Variants in CLOCK observed in about 807,000 individuals in gnomAD.
CLOCK encodes the protein clock circadian regulator.
In CLOCK, 43 loss-of-function variants were observed where a neutral mutation model predicts 118.4. That is an observed-to-expected ratio of 0.36 (90% confidence interval 0.28 to 0.47). The LOEUF (loss-of-function observed/expected upper bound fraction) is 0.47. CLOCK is among the 20% of genes least tolerant of loss of function. The pLI, the probability that CLOCK is intolerant of heterozygous loss-of-function variation, is 1.00. For missense variants in CLOCK, 846 were observed against 999.9 expected (o/e 0.85, Z 2.08); for synonymous variants, 326 against 339.2 (o/e 0.96, Z 0.43).
chr4:55,543,453 T>C (rs1047022274), intron 1 of CLOCK, among the ~76,000 whole-genome samples: 4 of 152,108 alleles, frequency 2.6e-5, no homozygotes, highest in African/African-American at 9.6e-5. Context: ...TATTTGCAAA[T>C]GCACAGAAAA....
intron 1 of CLOCK, among the ~76,000 whole-genome samples, chr4:55,538,673 G>C (rs1731061427): frequency 6.6e-6 from 1 of 152,268 alleles, no homozygotes; most frequent in East Asian, 1.9e-4. Context: ...CATCCAGCTA[G>C]ATTCAAAAAA....
intron 9 of CLOCK, among the ~76,000 whole-genome samples, chr4:55,463,470 AAAT>A (rs1560434219): frequency 6.6e-6 from 1 of 152,148 alleles, no homozygotes; most frequent in Non-Finnish European, 1.5e-5. Context: ...TTATTATAAC[AAAT>A]AAGATGGGAT....
intron 1 of CLOCK, among the ~76,000 whole-genome samples, chr4:55,518,213 A>G (rs1336588448): frequency 1.3e-5 from 2 of 152,194 alleles, no homozygotes; most frequent in African/African-American, 4.8e-5. Context: ...GAGAAAGTTA[A>G]ATAAGGCAGA....
At chr4:55,449,771 A>C (rs559130218) in intron 16 of CLOCK, among the ~76,000 whole-genome samples, 46 of 152,114 alleles carry the variant, frequency 3.0e-4, no homozygotes, top group African/African-American at 8.9e-4. Flanking sequence ...ACAATAAAAA[A>C]CTTTCAAAAA....
chr4:55,495,267 C>T (rs1241012574), intron 2 of CLOCK, among the ~76,000 whole-genome samples: 1 of 152,176 alleles, frequency 6.6e-6, no homozygotes, highest in African/African-American at 2.4e-5. Context: ...ACTCATGGTA[C>T]ACATCGTCGT....
chr4:55,487,258 GAGGTT>G (rs1402288160), intron 3 of CLOCK, among the ~76,000 whole-genome samples: 2 of 152,092 alleles, frequency 1.3e-5, no homozygotes, highest in Non-Finnish European at 2.9e-5. Flanking sequence ...TTGCACATAA[GAGGTT>G]TTTCCTCAGC....
chr4:55,433,053 G>GT lies in CLOCK; in HGVS notation c.*2361dup. ...TTCATATCTTTTGTTAGCTAAATCC[G>GT]TATCACTAGGTATTGCCAATAAATA... On this transcript the variant is annotated 3_prime_UTR_variant, in exon 23 of 23. Coordinates refer to ENST00000513440, the MANE Select transcript of CLOCK (RefSeq NM_004898.4). 6.6e-6 allele frequency: 1 copy of GT among 152,606 alleles called. No homozygotes were observed. The allele number at this position is 152,606 out of a possible 1,614,324, so 9.5% of individuals were successfully genotyped here. A position where few individuals can be genotyped will look rare whatever the true frequency, so the allele number is the denominator to read the frequency against.
At chr4:55,513,196 G>C (rs561567134) in intron 1 of CLOCK, among the ~76,000 whole-genome samples, 14 of 152,034 alleles carry the variant, frequency 9.2e-5, no homozygotes, top group East Asian at 7.7e-4. Context: ...CTTTTAAACT[G>C]TATGTTTACA....
chr4:55,463,736 G>A lies in CLOCK; in HGVS notation c.508C>T (p.Leu170Phe), dbSNP rs748647632. The A allele has an allele frequency of 6.8e-6, 11 of 1,612,040 alleles. No individual in the cohort carries two copies. Among genetic ancestry groups the A allele is most frequent in the Non-Finnish European group, 8.5e-6 (10 of 1,178,566 alleles). The change falls in exon 9 of 23, where the codon CTC becomes TTC. Residue 170 changes from leucine to phenylalanine, a missense_variant. Transcript: ENST00000513440. ...EGEHSEVYKI[L>F]STHLLESDSL... is the part of the protein sequence containing the mutation. Reference sequence around the variant, plus strand: ...TCACTTTCCAGCAGATGAGTAGAGAGTATTTTATAAACCTCTGAATGTTCC... The same window carrying A: ...TCACTTTCCAGCAGATGAGTAGAGAATATTTTATAAACCTCTGAATGTTCC...
At chr4:55,531,443 A>G (rs944909993) in intron 1 of CLOCK, among the ~76,000 whole-genome samples, 3 of 152,138 alleles carry the variant, frequency 2.0e-5, no homozygotes, top group Admixed American at 6.6e-5. Flanking sequence ...GTGGTGGCTC[A>G]TATCTGTAAT....
chr4:55,437,916 T>C (rs1723017487), intron 22 of CLOCK, among the ~76,000 whole-genome samples: 1 of 152,028 alleles, frequency 6.6e-6, no homozygotes, highest in African/African-American at 2.4e-5. Flanking sequence ...TAAAAAGAAA[T>C]CCCTGCTCTG....
chr4:55,490,451 CAGATAATCCA>C lies in CLOCK; in HGVS notation c.-135-996_-135-987del, dbSNP rs1265216919. On this transcript the variant is annotated intron_variant, in intron 2 of 22. Transcript: ENST00000513440. ...TCAATACCCCACTTTCAATAATGGA[CAGATAATCCA>C]AGAGAAATCAAGAAGGAAAGCATAG... 7.2e-4 allele frequency among the ~76,000 whole-genome samples: 110 copies of C among 152,142 alleles called. 1 individual carries two copies. Among genetic ancestry groups the C allele is most frequent in the Middle Eastern group, 3.4e-3 (1 of 294 alleles).
At chr4:55,518,042 G>C (rs1237495413) in intron 1 of CLOCK, among the ~76,000 whole-genome samples, 2 of 152,130 alleles carry the variant, frequency 1.3e-5, no homozygotes, top group African/African-American at 4.8e-5. Flanking sequence ...TTTCAGATAT[G>C]TGTGTATGAG....
At position 55,539,079 on chromosome 4, in the gene CLOCK, A is replaced by C. The variant is rs1277626762; in HGVS notation, c.-290+7703T>G. 2.6e-5 allele frequency among the ~76,000 whole-genome samples: 4 copies of C among 152,050 alleles called. No homozygotes were observed. The East Asian group carries it at 7.7e-4, about 29-fold the overall frequency. ...AAAATCCTATCTCTACTAAAAATAC[A>C]AAAAATTTAGCTGGGTATGGTAGCA... On this transcript the variant is annotated intron_variant, in intron 1 of 22. Transcript: ENST00000513440.
intron 8 of CLOCK, among the ~76,000 whole-genome samples, chr4:55,468,066 C>G (rs969138536): frequency 6.6e-6 from 1 of 152,124 alleles, no homozygotes; most frequent in African/African-American, 2.4e-5. Flanking sequence ...TTTTCAGTAT[C>G]TCTTGAAAGA....
intron 2 of CLOCK, among the ~76,000 whole-genome samples, chr4:55,490,466 A>T (rs1352834013): frequency 6.6e-6 from 1 of 152,270 alleles, no homozygotes; most frequent in African/African-American, 2.4e-5. Context: ...AATCCAAGAG[A>T]AATCAAGAAG....
At chr4:55,458,647 C>T (rs1189234253) in intron 11 of CLOCK, among the ~76,000 whole-genome samples, 1 of 151,958 alleles carries the variant, frequency 6.6e-6, no homozygotes, top group African/African-American at 2.4e-5. Context: ...ACAAAAGGAT[C>T]CTAAAATCTT....
intron 2 of CLOCK, among the ~76,000 whole-genome samples, chr4:55,498,554 CTATT>C (rs970646678): frequency 1.3e-4 from 20 of 151,816 alleles, no homozygotes; most frequent in African/African-American, 4.6e-4. Context: ...TTTTCTGTCC[CTATT>C]TACTTTCAAA....
intron 1 of CLOCK, among the ~76,000 whole-genome samples, chr4:55,528,023 C>A (rs549752863): frequency 9.0e-5 from 13 of 144,988 alleles, no homozygotes; most frequent in African/African-American, 3.3e-4. Flanking sequence ...CACAGCAAGA[C>A]CCTGTCTCTC....
Sources: gnomAD v4.1 joint callset for allele counts (sites outside exome capture counted in the v4.1 genomes callset) on GRCh38, gnomAD v4.1.1 for gene constraint, MANE v1.5 for transcripts, NCBI Gene and HGNC (gene_info 2026-07-23, HGNC 2026-07-21) for gene names.